HADHA: variants seen among roughly 807,000 people sequenced by gnomAD.
The protein encoded by HADHA is hydroxyacyl-CoA dehydrogenase trifunctional multienzyme complex subunit alpha.
HADHA carries 59 observed loss-of-function variants against 91.3 expected under a neutral mutation model. The ratio of observed to expected loss-of-function variants is 0.65; its 90% CI spans 0.52 to 0.80. The LOEUF is 0.80. Ranked by LOEUF, HADHA falls within the 30% of genes least tolerant of loss-of-function variation. The pLI is 0.00. For missense variants in HADHA, 800 were observed against 927.6 expected, an observed-to-expected ratio of 0.86 and a Z score of 1.79; for synonymous variants, 320 against 338.9, an observed-to-expected ratio of 0.94 and a Z score of 0.61.
At chr2:26,222,042 C>A (rs1670386957) in intron 7 of HADHA, among the ~76,000 whole-genome samples, 2 of 152,178 alleles carry the variant, frequency 1.3e-5, no homozygotes, top group Admixed American at 1.3e-4. Context: ...GAAGTCCTAT[C>A]CTCCAGTATC....
At chr2:26,236,375 ATACT>A (rs1315313523) in intron 4 of HADHA, among the ~76,000 whole-genome samples, 3 of 129,708 alleles carry the variant, frequency 2.3e-5, no homozygotes, top group African/African-American at 6.2e-5. Flanking sequence ...ATATATATAT[ATACT>A]CTGTGTGTGT....
chr2:26,199,062 T>C (rs911706818), intron 13 of HADHA, among the ~76,000 whole-genome samples: 2 of 152,060 alleles, frequency 1.3e-5, no homozygotes, highest in African/African-American at 4.8e-5. Context: ...GCCTGGCTAA[T>C]TTTTTTGTAG....
intron 6 of HADHA, among the ~76,000 whole-genome samples, chr2:26,231,335 G>C (rs968643136): frequency 6.6e-6 from 1 of 152,162 alleles, no homozygotes; most frequent in African/African-American, 2.4e-5. Flanking sequence ...AGTGCCAGAA[G>C]CTATAAGGTT....
chr2:26,209,114 C>T (rs937989077), intron 11 of HADHA, among the ~76,000 whole-genome samples: 3 of 152,166 alleles, frequency 2.0e-5, no homozygotes, highest in Non-Finnish European at 4.4e-5. Context: ...AGCAGCATCC[C>T]TGGCCTCCAC....
chr2:26,243,181 G>GC (rs1474454895), intron 1 of HADHA: 20 of 152,348 alleles, frequency 1.3e-4, no homozygotes, highest in Admixed American at 3.9e-4. Context: ...AAGTAACACA[G>GC]CTAGTGACTA....
intron 1 of HADHA, among the ~76,000 whole-genome samples, chr2:26,240,596 A>C (rs1199425809): frequency 6.6e-6 from 1 of 152,200 alleles, no homozygotes. Context: ...ATGTTAGAAA[A>C]TAAGCACCTA....
chr2:26,194,741 G>A (rs549953388), intron 15 of HADHA, 103 bp from the exon 16 acceptor site: 3 of 815,886 alleles, frequency 3.7e-6, no homozygotes, highest in Non-Finnish European at 6.4e-6. Context: ...GAAAGTCACT[G>A]TAAAACTTAA....
At chr2:26,192,918 G>A (rs1669553184) in intron 17 of HADHA, among the ~76,000 whole-genome samples, 1 of 152,164 alleles carries the variant, frequency 6.6e-6, no homozygotes, top group South Asian at 2.1e-4. Flanking sequence ...CGGAGCTTGG[G>A]CATCTGTGTA....
chr2:26,243,603 T>C (rs1040966045), intron 1 of HADHA, among the ~76,000 whole-genome samples: 1 of 152,140 alleles, frequency 6.6e-6, no homozygotes, highest in Non-Finnish European at 1.5e-5. Context: ...AAAAGCATAC[T>C]ACTTCAGCGG....
rs757837042 is a variant in HADHA at position 26,197,762 on chromosome 2, AG to A, written c.1407del (p.Cys470ValfsTer25). The A allele has an allele frequency of 6.6e-7, 1 of 1,524,770 alleles. No homozygotes were observed. Among genetic ancestry groups the A allele is most frequent in the South Asian group, 1.1e-5 (1 of 89,342 alleles). The allele number at this position is 1,524,770 out of a possible 1,614,324, so 94.5% of individuals were successfully genotyped here. A position where few individuals can be genotyped will look rare whatever the true frequency, so the allele number is the denominator to read the frequency against. On this transcript the variant is annotated frameshift_variant, in exon 14 of 20. Coordinates refer to ENST00000380649, the MANE Select transcript of HADHA (RefSeq NM_000182.5). LOFTEE classifies it high-confidence loss of function. The stretch of plus-strand genomic sequence containing the variant: ...GCAGATGTGTTACTGGCAAAGATAC[AG>A]TGATCTGGAATCACCTGCAGGGGAA... ...LKEVEAVIPD[H>X]CIFASNTSAL...
In HADHA at chr2:26,206,643, T is replaced by C. The variant is rs569017601; in HGVS notation, c.1086-2447A>G. On this transcript the variant is annotated intron_variant, in intron 11 of 19. Transcript: ENST00000380649. Reference sequence around the variant, plus strand: ...CTTTGGTTTTGTTAAAACCAAGAACTGCATACTGTATAACATAGTAATTCT... The same window carrying C: ...CTTTGGTTTTGTTAAAACCAAGAACCGCATACTGTATAACATAGTAATTCT... Among the ~76,000 whole-genome samples, 12 of 152,346 alleles carry C rather than the reference T, an allele frequency of 7.9e-5. No homozygotes were observed. The South Asian group carries it at 2.5e-3, about 32-fold the overall frequency.
rs1051580353 is a variant in HADHA at position 26,193,733 on chromosome 2, T to A, written c.1729A>T (p.Ser577Cys). 6.2e-7 allele frequency: 1 copy of A among 1,614,156 alleles called. No individual in the cohort carries two copies. The highest frequency in any genetic ancestry group is 8.5e-7 in the Non-Finnish European group (1 of 1,180,016). The change falls in exon 17 of 20, where the codon AGC becomes TGC. Residue 577 changes from serine (S) to cysteine (C), a missense_variant. Coordinates refer to ENST00000380649, the MANE Select transcript of HADHA (RefSeq NM_000182.5). ...GCGGCACCCACAGGAAAGCCAAAGCTTGTGGTCAGGGAATCCAGCTTCTTC... is the reference window on the plus strand; with the variant it reads ...GCGGCACCCACAGGAAAGCCAAAGCATGTGGTCAGGGAATCCAGCTTCTTC... Reference protein sequence around the residue: ...DPKKLDSLTTSFGFPVGAATL... With the variant: ...DPKKLDSLTTCFGFPVGAATL...
At chr2:26,233,846 C>T (rs1160098628) in intron 5 of HADHA, among the ~76,000 whole-genome samples, 2 of 152,034 alleles carry the variant, frequency 1.3e-5, no homozygotes, top group Admixed American at 6.6e-5. Context: ...TTTGGGAGGC[C>T]GAGGCGGGAG....
chr2:26,194,203 C>CT (rs1669594358), intron 16 of HADHA, among the ~76,000 whole-genome samples: 1 of 152,168 alleles, frequency 6.6e-6, no homozygotes, highest in African/African-American at 2.4e-5. Context: ...ACCTCGATGG[C>CT]TACTGGAGAG....
chr2:26,204,105 T>C lies in HADHA; in HGVS notation c.1177A>G (p.Thr393Ala), dbSNP rs751880451. Residue 393 changes from threonine (T) to alanine (A), a missense_variant, in exon 12 of 20, where the codon ACC (threonine) becomes GCC (alanine). Physicochemically the swap from Thr to Ala is moderately conservative, Grantham distance 58 (BLOSUM62 0). Transcript: ENST00000380649. ...TGTCCTCGGTCTAGCGCAGTGAGGG[T>C]GGCATCTTTAAGTATAGTCTTTAGC... ...KGLKTILKDA[T>A]LTALDRGQQQ... is the part of the protein sequence containing the mutation. 2.8e-5 allele frequency: 45 copies of C among 1,613,794 alleles called. No individual in the cohort carries two copies. The highest frequency in any genetic ancestry group is 3.6e-5 in the Non-Finnish European group (43 of 1,179,762).
intron 12 of HADHA, among the ~76,000 whole-genome samples, chr2:26,202,468 T>C (rs926513075): frequency 2.0e-5 from 3 of 152,174 alleles, no homozygotes; most frequent in African/African-American, 7.2e-5. Context: ...GGGCTGGGCA[T>C]GGTGGCTCAC....
rs1670167244 is a variant in HADHA, at chr2:26,214,340, A to G, written c.918+103T>C. ...TAAATACTTTAATAGCAGAATTAAG[A>G]AATTTAGTACTCAACATACATGGTC... On this transcript the variant is annotated intron_variant, in intron 9 of 19. Coordinates refer to ENST00000380649, the MANE Select transcript of HADHA (RefSeq NM_000182.5). This position sits in a 1 kb window ranked among gnomAD's most constrained non-coding sequence, Gnocchi z 4.1. 2 of 777,428 alleles carry G rather than the reference A, an allele frequency of 2.6e-6. No individual in the cohort carries two copies. Among genetic ancestry groups the G allele is most frequent in the East Asian group, 4.9e-5 (2 of 41,176 alleles). 48.2% of individuals were successfully genotyped at this position (777,428 alleles called of 1,614,324 possible).
intron 12 of HADHA, among the ~76,000 whole-genome samples, chr2:26,201,945 C>A (rs1211954424): frequency 1.3e-5 from 2 of 149,778 alleles, no homozygotes; most frequent in African/African-American, 4.9e-5. Flanking sequence ...CAGGCGCCCA[C>A]CACCACGCCT....
At position 26,209,877 on chromosome 2, in the gene HADHA, G is replaced by C; in HGVS notation, c.988C>G (p.Leu330Val). Residue 330 changes from leucine (L) to valine (V), a missense_variant, in exon 11 of 20, where the codon CTT (leucine) becomes GTT (valine). Coordinates refer to ENST00000380649, the MANE Select transcript of HADHA (RefSeq NM_000182.5). ...GCCTTTGATTCTTTGGTCATTACAA[G>C]CTCTCCAAATTTCTGAAAAGTAAAG... ...YLCESQKFGE[L>V]VMTKESKALM... 6.4e-7 allele frequency: 1 copy of C among 1,574,432 alleles called. No individual in the cohort carries two copies. The highest frequency in any genetic ancestry group is 1.1e-5 in the South Asian group (1 of 90,252).
Sources: gnomAD v4.1 joint callset for allele counts (sites outside exome capture counted in the v4.1 genomes callset) on GRCh38, gnomAD v4.1.1 for gene constraint, Gnocchi (gnomAD v3.1) non-coding constraint, MANE v1.5 for transcripts, NCBI Gene and HGNC (gene_info 2026-07-23, HGNC 2026-07-21) for gene names.